RYR2: variants seen among roughly 807,000 people sequenced by gnomAD.
The protein encoded by RYR2 is ryanodine receptor 2, also known as cardiac muscle ryanodine receptor-calcium release channel.
A neutral mutation model predicts 601.1 loss-of-function variants in RYR2; 227 were observed. The ratio of observed to expected loss-of-function variants is 0.38; its 90% confidence interval spans 0.34 to 0.42. The LOEUF (loss-of-function observed/expected upper bound fraction) is 0.42. Among genes scored for constraint, RYR2 ranks in the 10% least tolerant of loss-of-function variants. The pLI, the probability that RYR2 is intolerant of heterozygous loss-of-function variation, is 1.00. For missense variants in RYR2, 4,646 were observed against 6,156.5 expected (o/e 0.75, Z 8.21); for synonymous variants, 2,223 against 2,175.1 (o/e 1.02, Z -0.61).
At chr1:237,699,780 T>G (rs1469121920) in intron 64 of RYR2, among the ~76,000 whole-genome samples, 1 of 152,268 alleles carries the variant, frequency 6.6e-6, no homozygotes, top group Non-Finnish European at 1.5e-5. Flanking sequence ...GGCGGCTTCA[T>G]TAGAAAAGAC....
At chr1:237,656,031 T>C in intron 53 of RYR2, 47 bp downstream of exon 53, 1 of 1,582,112 alleles carries the variant, frequency 6.3e-7, no homozygotes, top group Non-Finnish European at 8.6e-7. Flanking sequence ...AAATGATGTG[T>C]GAAGTCTGAA....
At chr1:237,603,246 G>A (rs1487143499) in intron 35 of RYR2, among the ~76,000 whole-genome samples, 6 of 152,134 alleles carry the variant, frequency 3.9e-5, no homozygotes, top group East Asian at 3.9e-4. Context: ...GGTGGAATCC[G>A]CGGGGAAAGA....
chr1:237,194,259 T>C (rs1317368241), intron 1 of RYR2, among the ~76,000 whole-genome samples: 1 of 152,196 alleles, frequency 6.6e-6, no homozygotes, highest in Non-Finnish European at 1.5e-5. Flanking sequence ...GAGACCCGGA[T>C]TAGAAATCTA....
chr1:237,438,713 T>C (rs544560723), intron 12 of RYR2, among the ~76,000 whole-genome samples: 1 of 152,330 alleles, frequency 6.6e-6, no homozygotes, highest in Non-Finnish European at 1.5e-5. Context: ...CTCAAGCCCA[T>C]AAAGCAGCAG....
chr1:237,728,208 G>A (rs556521027), intron 76 of RYR2, among the ~76,000 whole-genome samples: 2 of 152,148 alleles, frequency 1.3e-5, no homozygotes, highest in African/African-American at 4.8e-5. Context: ...AGAAACATAA[G>A]CAAAACAAAT....
intron 2 of RYR2, among the ~76,000 whole-genome samples, chr1:237,279,506 A>C (rs1233063828): frequency 6.6e-6 from 1 of 152,232 alleles, no homozygotes; most frequent in African/African-American, 2.4e-5. Flanking sequence ...TCAATTAATT[A>C]AATCTCAAAT....
intron 58 of RYR2, among the ~76,000 whole-genome samples, chr1:237,671,349 T>A (rs2148896429): frequency 6.6e-6 from 1 of 152,266 alleles, no homozygotes; most frequent in African/African-American, 2.4e-5. Context: ...ATGTGTCTTT[T>A]TTTCAAAGTT....
chr1:237,156,887 A>G (rs576665155), intron 1 of RYR2, among the ~76,000 whole-genome samples: 2 of 152,312 alleles, frequency 1.3e-5, no homozygotes, highest in Admixed American at 1.3e-4. Context: ...ACAAAATAAT[A>G]GATGCTGGCA....
At chr1:237,146,108 T>G (rs2148786015) in intron 1 of RYR2, among the ~76,000 whole-genome samples, 1 of 152,322 alleles carries the variant, frequency 6.6e-6, no homozygotes, top group East Asian at 1.9e-4. Context: ...ATATGTGGTG[T>G]TGTGTTTGGT....
At chr1:237,221,514 TAAAA>T (rs1372924180) in intron 1 of RYR2, among the ~76,000 whole-genome samples, 2 of 152,186 alleles carry the variant, frequency 1.3e-5, no homozygotes, top group East Asian at 3.8e-4. Context: ...AGATTTATTT[TAAAA>T]AGAGAGGGAT....
chr1:237,339,592 T>A lies in RYR2; in HGVS notation c.273+8610T>A, dbSNP rs1389982786. On this transcript the variant is annotated intron_variant, in intron 3 of 104. Transcript: ENST00000366574. ...AATGGAATCATATACTGTCTTGTCATCTTTTACCACCTAATTATATATGGT... is the reference window on the plus strand; with the variant it reads ...AATGGAATCATATACTGTCTTGTCAACTTTTACCACCTAATTATATATGGT... 4.6e-5 allele frequency among the ~76,000 whole-genome samples: 7 copies of A among 152,164 alleles called. 1 individual carries two copies. The highest frequency in any genetic ancestry group is 4.6e-4 in the Admixed American group (7 of 15,276).
At chr1:237,438,895 A>C (rs1707647289) in intron 12 of RYR2, among the ~76,000 whole-genome samples, 1 of 152,206 alleles carries the variant, frequency 6.6e-6, no homozygotes, top group Admixed American at 6.5e-5. Context: ...ATTTTTTCCA[A>C]ATTTTATAAT....
chr1:237,438,893 C>T (rs1572334916), intron 12 of RYR2, among the ~76,000 whole-genome samples: 1 of 152,218 alleles, frequency 6.6e-6, no homozygotes, highest in African/African-American at 2.4e-5. Context: ...GGATTTTTTC[C>T]AAATTTTATA....
intron 10 of RYR2, among the ~76,000 whole-genome samples, chr1:237,390,671 G>A (rs111892443): frequency 5.4e-4 from 82 of 152,214 alleles, no homozygotes; most frequent in African/African-American, 1.9e-3. Flanking sequence ...GGATCCTTTC[G>A]ATGGCTAGTT....
intron 100 of RYR2, among the ~76,000 whole-genome samples, chr1:237,809,877 G>A (rs969940709): frequency 2.6e-5 from 4 of 152,012 alleles, no homozygotes; most frequent in African/African-American, 4.8e-5. Context: ...AAATACTCAC[G>A]GAAATTAAAA....
chr1:237,240,504 G>A (rs1017283603), intron 1 of RYR2, among the ~76,000 whole-genome samples: 10 of 151,852 alleles, frequency 6.6e-5, no homozygotes, highest in African/African-American at 2.4e-4. Context: ...GTGGCCTTGA[G>A]TACCATACTA....
intron 54 of RYR2, among the ~76,000 whole-genome samples, chr1:237,659,213 CT>C (rs1188078680): frequency 2.6e-5 from 4 of 152,150 alleles, no homozygotes; most frequent in Non-Finnish European, 4.4e-5. Flanking sequence ...CTAAGAAACC[CT>C]TTTTTGTTGG....
chr1:237,571,340 G>T (rs1199434219), intron 29 of RYR2, among the ~76,000 whole-genome samples: 3 of 135,584 alleles, frequency 2.2e-5, no homozygotes, highest in African/African-American at 5.5e-5. Flanking sequence ...TTAAGACAGA[G>T]TTTCACTCTT....
At chr1:237,779,414 T>C (rs528945099) in intron 88 of RYR2, among the ~76,000 whole-genome samples, 1 of 152,362 alleles carries the variant, frequency 6.6e-6, no homozygotes, top group South Asian at 2.1e-4. Flanking sequence ...TGAATGTGTC[T>C]CTTCAATGCA....
Sources: allele counts gnomAD v4.1 joint callset (sites outside exome capture counted in the v4.1 genomes callset), GRCh38; gene constraint gnomAD v4.1.1; transcripts MANE v1.5; gene names NCBI Gene and HGNC (gene_info 2026-07-23, HGNC 2026-07-21).